CSMD1: variants seen among roughly 807,000 people sequenced by gnomAD.
The protein encoded by CSMD1 is CUB and sushi domain-containing protein 1.
CSMD1 carries 213 observed loss-of-function variants against 417.5 expected under a neutral mutation model. That is an observed-to-expected ratio of 0.51 (90% CI 0.46 to 0.57). The LOEUF is 0.57. CSMD1 is among the 20% of genes least tolerant of loss of function. The pLI is 0.00. For synonymous variants in CSMD1, 2,862 were observed against 1,736.8 expected (o/e 1.65, Z -16.11); for missense variants, 6,923 against 4,529.7 (o/e 1.53, Z -15.17).
At chr8:4,673,468 T>A (rs1012057695) in intron 1 of CSMD1, among the ~76,000 whole-genome samples, 6 of 152,148 alleles carry the variant, frequency 3.9e-5, no homozygotes, top group Non-Finnish European at 7.4e-5. Context: ...TTGGCCACAT[T>A]ATCTAAAACC....
chr8:3,052,833 G>C (rs1473814418), intron 49 of CSMD1, among the ~76,000 whole-genome samples, 186 bp from the exon 50 acceptor site: 1 of 147,344 alleles, frequency 6.8e-6, no homozygotes, highest in Non-Finnish European at 1.5e-5. Context: ...CCAGGCTGGA[G>C]TGCAATGACT....
chr8:4,456,976 G>C (rs66709639), intron 2 of CSMD1, among the ~76,000 whole-genome samples: 1,690 of 136,762 alleles, frequency 0.012, 37 homozygotes, highest in African/African-American at 0.044. Context: ...GATGAGTGTG[G>C]TTTTTTTTTA....
intron 3 of CSMD1, among the ~76,000 whole-genome samples, chr8:4,394,876 G>C (rs1256843213): frequency 6.6e-6 from 1 of 151,828 alleles, no homozygotes; most frequent in South Asian, 2.1e-4. Flanking sequence ...ATACAACCTT[G>C]TCTACACGTC....
At chr8:4,170,741 T>C (rs547405046) in intron 3 of CSMD1, among the ~76,000 whole-genome samples, 25 of 151,858 alleles carry the variant, frequency 1.6e-4, no homozygotes, top group African/African-American at 6.1e-4. Context: ...TCTAAATTAA[T>C]ACTGTTTAGA....
chr8:4,966,104 C>A (rs1809839350), intron 1 of CSMD1, among the ~76,000 whole-genome samples: 1 of 151,096 alleles, frequency 6.6e-6, no homozygotes, highest in African/African-American at 2.4e-5. Context: ...TGGCTCACTT[C>A]TGTAATCCCC....
intron 2 of CSMD1, among the ~76,000 whole-genome samples, chr8:4,571,139 T>G (rs1798875116): frequency 6.6e-6 from 1 of 152,172 alleles, no homozygotes; most frequent in Admixed American, 6.5e-5. Flanking sequence ...TGTCTCTATC[T>G]CCTTCAGTTC....
At chr8:4,498,042 G>C (rs935212148) in intron 2 of CSMD1, among the ~76,000 whole-genome samples, 3 of 152,126 alleles carry the variant, frequency 2.0e-5, no homozygotes, top group Admixed American at 6.5e-5. Context: ...TCATCTGCTG[G>C]AAGTGTCCTC....
chr8:4,044,910 A>G (rs552193211), intron 3 of CSMD1, among the ~76,000 whole-genome samples: 23 of 148,912 alleles, frequency 1.5e-4, no homozygotes, highest in Non-Finnish European at 3.0e-4. Context: ...TCTCCCACAA[A>G]AAGTTAAATT....
rs530277565 is a variant in CSMD1, at chr8:4,327,388, C to A, written c.415+92565G>T. ...GGTTAATGAAAATGGGGAGACTCTG[C>A]TAATGTATTTCCTTGGGCAAATTGC... On this transcript the variant is annotated intron_variant, in intron 3 of 69. Coordinates refer to ENST00000635120, the MANE Select transcript of CSMD1 (RefSeq NM_033225.6). Among the ~76,000 whole-genome samples the A allele has an allele frequency of 2.0e-5, 3 of 152,254 alleles. No homozygotes were observed. In the South Asian group the frequency reaches 6.2e-4, roughly 32 times the overall value.
chr8:3,939,743 T>A (rs541277693), intron 5 of CSMD1, among the ~76,000 whole-genome samples: 3 of 152,234 alleles, frequency 2.0e-5, no homozygotes, highest in African/African-American at 7.2e-5. Context: ...TGGAGACCAT[T>A]AGTCTAAGTG....
intron 9 of CSMD1, among the ~76,000 whole-genome samples, chr8:3,584,254 T>G (rs1800505459): frequency 6.6e-6 from 1 of 152,184 alleles, no homozygotes; most frequent in South Asian, 2.1e-4. Flanking sequence ...CCAGGCACTC[T>G]TTGCCTGTGG....
intron 1 of CSMD1, among the ~76,000 whole-genome samples, chr8:4,753,892 G>A (rs1280088590): frequency 6.6e-6 from 1 of 152,156 alleles, no homozygotes; most frequent in Non-Finnish European, 1.5e-5. Context: ...AGGTGGCAGG[G>A]AGTTGTTTTC....
In CSMD1 at chr8:3,444,118, C is replaced by T. The variant is rs1363377702; in HGVS notation, c.1561+24594G>A. ...ACTCACTCCCTATCGAGTGAAAGGG[C>T]CCAGAAAGAACAAGAAATCAAGCAG... is the stretch of plus-strand genomic sequence containing the variant. On this transcript the variant is annotated intron_variant, in intron 12 of 69. Coordinates refer to ENST00000635120, the MANE Select transcript of CSMD1 (RefSeq NM_033225.6). 4.6e-5 allele frequency among the ~76,000 whole-genome samples: 7 copies of T among 152,042 alleles called. No individual in the cohort carries two copies. In the South Asian group the frequency reaches 8.3e-4, roughly 18 times the overall value.
Position 3,947,550 on chromosome 8 carries a change from G to A in CSMD1, c.818+50353C>T, listed in dbSNP as rs533459210. On this transcript the variant is annotated intron_variant, in intron 5 of 69. Coordinates refer to ENST00000635120, the MANE Select transcript of CSMD1 (RefSeq NM_033225.6). ...ACTCTTCTACATAACCCACGGGAAAGCTCCTTATATTTGGAAATTAAATAA... is the reference window on the plus strand; with the variant it reads ...ACTCTTCTACATAACCCACGGGAAAACTCCTTATATTTGGAAATTAAATAA... Among the ~76,000 whole-genome samples, 9 of 152,188 alleles carry A rather than the reference G, an allele frequency of 5.9e-5. No individual in the cohort carries two copies. The East Asian group carries it at 1.7e-3, about 29-fold the overall frequency.
chr8:3,654,919 G>A (rs904920531), intron 7 of CSMD1, among the ~76,000 whole-genome samples: 8 of 152,196 alleles, frequency 5.3e-5, no homozygotes, highest in African/African-American at 1.9e-4. Context: ...AGTTGAGCCA[G>A]GGAGCATCTC....
At chr8:3,493,020 C>T (rs1000621023) in intron 11 of CSMD1, among the ~76,000 whole-genome samples, 5 of 151,966 alleles carry the variant, frequency 3.3e-5, no homozygotes, top group African/African-American at 9.7e-5. Flanking sequence ...TGGCTGGGTG[C>T]GGTGGTTCAC....
At chr8:3,583,428 T>G (rs1160148301) in intron 9 of CSMD1, among the ~76,000 whole-genome samples, 1 of 151,910 alleles carries the variant, frequency 6.6e-6, no homozygotes, top group Non-Finnish European at 1.5e-5. Flanking sequence ...TGATGGGACT[T>G]GGAAAGAGCT....
intron 12 of CSMD1, among the ~76,000 whole-genome samples, chr8:3,413,298 C>A (rs961542878): frequency 2.0e-5 from 3 of 152,120 alleles, no homozygotes; most frequent in African/African-American, 7.2e-5. Context: ...ACTCAGGGAG[C>A]TCTACTGTGC....
At chr8:4,337,875 C>T (rs574868360) in intron 3 of CSMD1, among the ~76,000 whole-genome samples, 33 of 152,184 alleles carry the variant, frequency 2.2e-4, no homozygotes, top group Admixed American at 5.2e-4. Context: ...TAAAAATAGG[C>T]ATTTTCTTCA....
Sources: gnomAD v4.1 joint callset for allele counts (sites outside exome capture counted in the v4.1 genomes callset) on GRCh38, gnomAD v4.1.1 for gene constraint, MANE v1.5 for transcripts, NCBI Gene and HGNC (gene_info 2026-07-23, HGNC 2026-07-21) for gene names.